The following ZNF385B variants were observed in gnomAD, a reference collection of about 807,000 sequenced individuals.
ZNF385B encodes the protein zinc finger protein 385B.
In ZNF385B, 23 loss-of-function variants were observed where a neutral mutation model predicts 39.2. That is an observed-to-expected ratio of 0.59 (90% CI 0.42 to 0.83). The LOEUF (loss-of-function observed/expected upper bound fraction) is 0.83. Ranked by LOEUF, ZNF385B falls within the 40% of genes least tolerant of loss-of-function variation. ZNF385B has a pLI of 0.00. For missense variants in ZNF385B, 552 were observed against 598.9 expected (o/e 0.92, Z 0.82); for synonymous variants, 205 against 222.6 (o/e 0.92, Z 0.70).
At chr2:179,445,010 A>G in intron 8 of ZNF385B, 33 bp from the exon 9 acceptor site, 1 of 1,566,418 alleles carries the variant, frequency 6.4e-7, no homozygotes, top group East Asian at 2.2e-5. Context: ...CTGGACTGAA[A>G]TGTGAGTCTT....
At chr2:179,653,569 T>G (rs1009134185) in intron 3 of ZNF385B, among the ~76,000 whole-genome samples, 7 of 152,160 alleles carry the variant, frequency 4.6e-5, no homozygotes, top group Non-Finnish European at 8.8e-5. Flanking sequence ...AAATTCTAAT[T>G]GAAAATCTGG....
chr2:179,547,214 G>C (rs1367270869), intron 3 of ZNF385B, among the ~76,000 whole-genome samples: 2 of 149,224 alleles, frequency 1.3e-5, no homozygotes, highest in African/African-American at 5.1e-5. Context: ...CAGAAGCTTT[G>C]TAACTTGTGA....
chr2:179,608,456 C>G (rs1689007638), intron 3 of ZNF385B, among the ~76,000 whole-genome samples: 1 of 152,176 alleles, frequency 6.6e-6, no homozygotes, highest in East Asian at 1.9e-4. Context: ...GAGTGACCTG[C>G]TGTGCCCCTT....
At chr2:179,705,747 T>C (rs1699545713) in intron 3 of ZNF385B, among the ~76,000 whole-genome samples, 1 of 152,238 alleles carries the variant, frequency 6.6e-6, no homozygotes, top group African/African-American at 2.4e-5. Context: ...ATCTTAGGCT[T>C]TGCCAACCTA....
rs566145913 is a variant in ZNF385B, at chr2:179,670,402, G to A, written c.298+99101C>T. On this transcript the variant is annotated intron_variant, in intron 3 of 9. Transcript: ENST00000410066. ...ATTGGGAGGAGATGTACAGTAGCAT[G>A]CTACTCTCTAGTACTTCCACCATAC... Among the ~76,000 whole-genome samples the A allele has an allele frequency of 6.6e-5, 10 of 151,786 alleles. No individual in the cohort carries two copies. The East Asian group carries it at 1.9e-3, about 29-fold the overall frequency.
intron 4 of ZNF385B, among the ~76,000 whole-genome samples, chr2:179,531,671 A>G (rs558698168): frequency 2.9e-3 from 435 of 152,174 alleles, no homozygotes; most frequent in Non-Finnish European, 4.9e-3. Flanking sequence ...ATAAATAAAT[A>G]TCCTTTTTAA....
chr2:179,745,618 A>G lies in ZNF385B; in HGVS notation c.298+23885T>C, dbSNP rs1460357265. 15 of 1,111,814 alleles carry G rather than the reference A, an allele frequency of 1.3e-5. 1 individual carries two copies. The highest frequency in any genetic ancestry group is 1.7e-5 in the Non-Finnish European group (14 of 812,138). 68.9% of individuals were successfully genotyped at this position (1,111,814 alleles called of 1,614,324 possible). On this transcript the variant is annotated intron_variant, in intron 3 of 9. Coordinates refer to ENST00000410066, the MANE Select transcript of ZNF385B (RefSeq NM_152520.6). ...GTGTCAGCACAATGTGATAAACACA[A>G]TTGAGGACTCCACAGGATTCAGCAT...
intron 5 of ZNF385B, among the ~76,000 whole-genome samples, chr2:179,493,524 T>TAC (rs1559334226): frequency 2.0e-5 from 3 of 151,388 alleles, no homozygotes; most frequent in Non-Finnish European, 4.4e-5. Flanking sequence ...TACATATGTG[T>TAC]GTACATATAT....
chr2:179,833,838 A>C (rs1445684835), intron 1 of ZNF385B, among the ~76,000 whole-genome samples: 1 of 152,184 alleles, frequency 6.6e-6, no homozygotes, highest in African/African-American at 2.4e-5. Flanking sequence ...AAAAGAATGC[A>C]GGTAACTTGT....
In ZNF385B at chr2:179,486,797, T is replaced by A. The variant is rs890643865; in HGVS notation, c.553-3363A>T. ...TGAACATGATGGCACATGCCTGTAG[T>A]CCCAACTTCTTGTGGGGAGGAGGTG... On this transcript the variant is annotated intron_variant, in intron 5 of 9. Transcript: ENST00000410066. Among the ~76,000 whole-genome samples, 7 of 152,082 alleles carry A rather than the reference T, an allele frequency of 4.6e-5. No individual in the cohort carries two copies. The East Asian group carries it at 1.2e-3, about 25-fold the overall frequency.
At chr2:179,761,450 T>C (rs1410942630) in intron 3 of ZNF385B, among the ~76,000 whole-genome samples, 1 of 152,226 alleles carries the variant, frequency 6.6e-6, no homozygotes, top group Admixed American at 6.5e-5. Context: ...ATTTTCAGCA[T>C]ACAGATCCTA....
At chr2:179,860,593 C>T (rs899552836) in intron 1 of ZNF385B, among the ~76,000 whole-genome samples, 2 of 152,124 alleles carry the variant, frequency 1.3e-5, no homozygotes, top group Non-Finnish European at 2.9e-5. Flanking sequence ...TCCTCTGCCC[C>T]CATCTCATCT....
intron 3 of ZNF385B, among the ~76,000 whole-genome samples, chr2:179,638,889 A>G (rs1692000895): frequency 6.6e-6 from 1 of 152,156 alleles, no homozygotes; most frequent in African/African-American, 2.4e-5. Context: ...TTGAGTATCA[A>G]AATGAAAAAT....
chr2:179,626,042 A>T lies in ZNF385B; in HGVS notation c.299-81073T>A, dbSNP rs185505215. On this transcript the variant is annotated intron_variant, in intron 3 of 9. Transcript: ENST00000410066. ...TATTTTATTTTCAGTAACTTTTCTT[A>T]TTGTACATTTTAAAGCATCAATGTT... is the stretch of plus-strand genomic sequence containing the variant. Among the ~76,000 whole-genome samples the T allele has an allele frequency of 1.5e-3, 230 of 152,180 alleles. 1 individual carries two copies. Among genetic ancestry groups the T allele is most frequent in the African/African-American group, 5.4e-3 (224 of 41,562 alleles).
chr2:179,716,794 T>C (rs1700357967), intron 3 of ZNF385B, among the ~76,000 whole-genome samples: 1 of 152,138 alleles, frequency 6.6e-6, no homozygotes, highest in Non-Finnish European at 1.5e-5. Context: ...GTATCAACAA[T>C]CAGATTCTCC....
intron 3 of ZNF385B, among the ~76,000 whole-genome samples, chr2:179,758,921 T>C (rs1303239090): frequency 6.6e-6 from 1 of 152,210 alleles, no homozygotes; most frequent in Non-Finnish European, 1.5e-5. Flanking sequence ...TGTTTTAAAA[T>C]TTTTTCTGAA....
chr2:179,467,172 C>G (rs1311592396), intron 6 of ZNF385B, among the ~76,000 whole-genome samples: 1 of 152,116 alleles, frequency 6.6e-6, no homozygotes, highest in East Asian at 1.9e-4. Context: ...AAGAGTGATT[C>G]TGAAGTACAT....
At chr2:179,517,505 ATC>A (rs1398805155) in intron 5 of ZNF385B, among the ~76,000 whole-genome samples, 1 of 149,952 alleles carries the variant, frequency 6.7e-6, no homozygotes, top group Non-Finnish European at 1.5e-5. Context: ...CATGATAAAC[ATC>A]TCTTTTCCAA....
chr2:179,508,648 T>G (rs1174190646), intron 5 of ZNF385B, among the ~76,000 whole-genome samples: 1 of 152,188 alleles, frequency 6.6e-6, no homozygotes, highest in Admixed American at 6.5e-5. Context: ...GTACCAAAAC[T>G]TGCAATTTCG....
Sources: gnomAD v4.1 joint callset for allele counts (sites outside exome capture counted in the v4.1 genomes callset) on GRCh38, gnomAD v4.1.1 for gene constraint, MANE v1.5 for transcripts, NCBI Gene and HGNC (gene_info 2026-07-23, HGNC 2026-07-21) for gene names.